The following PGR variants were observed in gnomAD, a reference collection of about 807,000 sequenced individuals.
PGR encodes progesterone receptor, also known as nuclear receptor subfamily 3 group C member 3.
A neutral mutation model predicts 76.1 loss-of-function variants in PGR; 25 were observed. The observed-to-expected ratio is 0.33, with a 90% confidence interval of 0.24 to 0.46. The LOEUF is 0.46. Ranked by LOEUF, PGR falls within the 20% of genes least tolerant of loss-of-function variation. The probability of loss-of-function intolerance (pLI) is 1.00; values close to 1 mark genes in which losing one functional copy is unlikely to be tolerated. For synonymous variants in PGR, 579 were observed against 535.0 expected (o/e 1.08, Z -1.14); for missense variants, 1,172 against 1,225.3 (o/e 0.96, Z 0.65).
chr11:101,047,507 T>C (rs1157698811), intron 6 of PGR, among the ~76,000 whole-genome samples: 3 of 152,160 alleles, frequency 2.0e-5, no homozygotes, highest in Non-Finnish European at 2.9e-5. Context: ...AAGATGGTTA[T>C]GTATTCATCC....
intron 3 of PGR, among the ~76,000 whole-genome samples, chr11:101,073,490 G>A (rs1012781537): frequency 1.3e-5 from 2 of 151,676 alleles, no homozygotes; most frequent in Non-Finnish European, 2.9e-5. Context: ...GAGCAGAACC[G>A]AAGGAGATAG....
intron 5 of PGR, 62 bp downstream of exon 5, chr11:101,051,362 A>T: frequency 9.1e-7 from 1 of 1,094,704 alleles, no homozygotes; most frequent in Non-Finnish European, 1.4e-6. Flanking sequence ...TTGAAATATA[A>T]CTTTCAAAAT....
At position 101,035,602 on chromosome 11, in the gene PGR, T is replaced by C. The variant is rs943883925; in HGVS notation, c.*3514A>G. 1 of 232,060 alleles carries C rather than the reference T, an allele frequency of 4.3e-6. No homozygotes were observed. The highest frequency in any genetic ancestry group is 8.5e-6 in the Non-Finnish European group (1 of 117,418). 14.4% of individuals were successfully genotyped at this position (232,060 alleles called of 1,614,324 possible). A position where few individuals can be genotyped will look rare whatever the true frequency, so the allele number is the denominator to read the frequency against. On this transcript the variant is annotated 3_prime_UTR_variant, in exon 8 of 8. Coordinates refer to ENST00000325455, the MANE Select transcript of PGR (RefSeq NM_000926.4). The stretch of plus-strand genomic sequence containing the variant: ...TGAGCATGGGTTTTTGGAGGGGCTG[T>C]GTTCTAGTCAGGCTCTCTGTTCTAA...
Position 101,128,501 on chromosome 11 carries a change from T to C in PGR, c.570A>G (p.Ser190=), listed in dbSNP as rs1310510717. ...CCGGGAGCAGCAGCTGCCGGGCTGG[T>C]GACAGGCCCCGGGGCAGCACTTTAT... ...AAHKVLPRGL[S]PARQLLLPAS... is the part of the protein sequence containing the mutation. Residue 190 remains serine (S), a synonymous_variant, in exon 1 of 8, where the codon TCA becomes TCG. Coordinates refer to ENST00000325455, the MANE Select transcript of PGR (RefSeq NM_000926.4). The C allele has an allele frequency of 3.1e-6, 5 of 1,604,832 alleles. No homozygotes were observed. The highest frequency in any genetic ancestry group is 4.2e-6 in the Non-Finnish European group (5 of 1,178,598).
At chr11:101,047,541 G>A (rs573784999) in intron 6 of PGR, among the ~76,000 whole-genome samples, 1 of 152,080 alleles carries the variant, frequency 6.6e-6, no homozygotes, top group Admixed American at 6.6e-5. Flanking sequence ...AATTCTATGA[G>A]GAAGCCTTCC....
intron 3 of PGR, among the ~76,000 whole-genome samples, chr11:101,075,703 G>T (rs534471343): frequency 9.1e-4 from 138 of 151,422 alleles, no homozygotes; most frequent in African/African-American, 3.3e-3. Context: ...ACATTTATGT[G>T]GGCAATAAAC....
At chr11:101,079,753 T>G (rs1170290283) in intron 3 of PGR, among the ~76,000 whole-genome samples, 1 of 152,208 alleles carries the variant, frequency 6.6e-6, no homozygotes, top group Non-Finnish European at 1.5e-5. Context: ...AATCCTACTG[T>G]TGGGCATATA....
At chr11:101,043,434 C>A (rs1477300116) in intron 6 of PGR, among the ~76,000 whole-genome samples, 1 of 152,284 alleles carries the variant, frequency 6.6e-6, no homozygotes. Context: ...GTTTTGAACA[C>A]CCTCAAAGTC....
chr11:101,125,590 T>C (rs1371030573), intron 2 of PGR, among the ~76,000 whole-genome samples: 1 of 152,204 alleles, frequency 6.6e-6, no homozygotes, highest in African/African-American at 2.4e-5. Context: ...TGTACAAATA[T>C]GTATACGCAT....
At chr11:101,039,939 A>G (rs1010985204) in intron 7 of PGR, among the ~76,000 whole-genome samples, 5 of 152,036 alleles carry the variant, frequency 3.3e-5, no homozygotes, top group Non-Finnish European at 5.9e-5. Context: ...ACTATAGGAA[A>G]TGAAGAAAAT....
intron 3 of PGR, among the ~76,000 whole-genome samples, chr11:101,074,353 A>ATATCATAATG (rs1225689667): frequency 1.3e-5 from 2 of 152,200 alleles, no homozygotes; most frequent in Non-Finnish European, 2.9e-5. Flanking sequence ...ATTTATGGCA[A>ATATCATAATG]ACCCACAGCG....
At position 101,064,358 on chromosome 11, in the gene PGR, A is replaced by C. The variant is rs994247174; in HGVS notation, c.1907-1606T>G. ...AAAAAAAAAAAAAAAAAAAAAAAAA[A>C]AAAAAAAAAAAAACAGCCCCAACGA... is the stretch of plus-strand genomic sequence containing the variant. On this transcript the variant is annotated intron_variant, in intron 3 of 7. Transcript: ENST00000325455. Among the ~76,000 whole-genome samples the C allele has an allele frequency of 9.8e-4, 143 of 145,992 alleles. 9 individuals are homozygous for C. Among genetic ancestry groups the C allele is most frequent in the East Asian group, 4.5e-3 (23 of 5,062 alleles).
At chr11:101,112,721 G>T (rs1458901095) in intron 2 of PGR, among the ~76,000 whole-genome samples, 1 of 152,050 alleles carries the variant, frequency 6.6e-6, no homozygotes, top group Non-Finnish European at 1.5e-5. Context: ...GTTATGAAAA[G>T]CTTCTTTTAC....
At position 101,123,638 on chromosome 11, in the gene PGR, A is replaced by G. The variant is rs138732328; in HGVS notation, c.1789+2369T>C. On this transcript the variant is annotated intron_variant, in intron 2 of 7. Coordinates refer to ENST00000325455, the MANE Select transcript of PGR (RefSeq NM_000926.4). ...CTGTATACACTTAAAGCTCTCCTCA[A>G]TGCCTAGAAAGCTTATTTGTCCTTT... Among the ~76,000 whole-genome samples, 490 of 152,266 alleles carry G rather than the reference A, an allele frequency of 3.2e-3. 4 individuals carry two copies. The highest frequency in any genetic ancestry group is 0.011 in the African/African-American group (468 of 41,552).
chr11:101,047,353 T>C (rs895088735), intron 6 of PGR, among the ~76,000 whole-genome samples: 4 of 152,194 alleles, frequency 2.6e-5, no homozygotes, highest in African/African-American at 7.2e-5. Context: ...CATTCCTTCA[T>C]GCAAAGAAGG....
At chr11:101,062,963 T>C in intron 3 of PGR, 1 of 450,656 alleles carries the variant, frequency 2.2e-6, no homozygotes, top group South Asian at 2.7e-5. Flanking sequence ...GGCCTCAGAC[T>C]TGGATTAAAT....
chr11:101,068,229 A>G (rs72558371), intron 3 of PGR, among the ~76,000 whole-genome samples: 2 of 152,154 alleles, frequency 1.3e-5, no homozygotes, highest in African/African-American at 4.8e-5. Context: ...CACCAATAAT[A>G]GACAAACAGA....
Position 101,128,571 on chromosome 11 carries a change from C to A in PGR, c.500G>T (p.Arg167Leu). The stretch of plus-strand genomic sequence containing the variant: ...GCTGTCTCCAACCTTGCACCCGGAC[C>A]GGCTCATGAGCGGGGACAACACCCG... The part of the protein sequence containing the change: ...TQRVLSPLMS[R>L]SGCKVGDSSG... The change falls in exon 1 of 8, where the codon CGG becomes CTG. Residue 167 changes from arginine (R) to leucine (L), a missense_variant. By Grantham distance (102) the Arg-to-Leu change is moderately radical. This residue lies in a region of PGR where 893 missense variants were observed against 785.9 expected (regional missense o/e 1.14). Transcript: ENST00000325455. The A allele has an allele frequency of 6.3e-7, 1 of 1,597,678 alleles. No homozygotes were observed. Among genetic ancestry groups the A allele is most frequent in the East Asian group, 2.3e-5 (1 of 44,364 alleles).
At chr11:101,054,312 ACTCT>A (rs1255295942) in intron 4 of PGR, among the ~76,000 whole-genome samples, 1 of 151,984 alleles carries the variant, frequency 6.6e-6, no homozygotes, top group African/African-American at 2.4e-5. Context: ...GTGCAGAAAG[ACTCT>A]CTAACTAAGC....
Sources: gnomAD v4.1 joint callset for allele counts (sites outside exome capture counted in the v4.1 genomes callset) on GRCh38, gnomAD v4.1.1 for gene constraint, gnomAD v4.1.1 regional missense constraint, MANE v1.5 for transcripts, NCBI Gene and HGNC (gene_info 2026-07-23, HGNC 2026-07-21) for gene names.